Variants in UGGT2 observed in about 807,000 individuals in gnomAD.
UGGT2 encodes the protein UDP-glucose glycoprotein glucosyltransferase 2, also known as UDP-glucose:glycoprotein glucosyltransferase 2.
In UGGT2, 180 loss-of-function variants were observed where a neutral mutation model predicts 192.1. The observed-to-expected ratio is 0.94, with a 90% CI of 0.83 to 1.06. The LOEUF is 1.06. UGGT2 is among the 50% of genes least tolerant of loss of function. The pLI is 0.00. For synonymous variants in UGGT2, 580 were observed against 591.0 expected (o/e 0.98, Z 0.27); for missense variants, 1,849 against 1,795.7 (o/e 1.03, Z -0.54).
rs142293877 is a variant in UGGT2 at position 95,900,017 on chromosome 13, T to A, written c.2634+790A>T. Among the ~76,000 whole-genome samples, 81 of 152,296 alleles carry A rather than the reference T, an allele frequency of 5.3e-4. 1 individual carries two copies. Among genetic ancestry groups the A allele is most frequent in the African/African-American group, 1.8e-3 (74 of 41,578 alleles). On this transcript the variant is annotated intron_variant, in intron 22 of 38. Coordinates refer to ENST00000376747, the MANE Select transcript of UGGT2 (RefSeq NM_020121.4). ...CGTGAAAAACACTGCATTTGTTGAT[T>A]TCTTAATAAACCTAAGCACCAGATT...
chr13:95,817,545 C>A (rs1022598503), intron 38 of UGGT2, among the ~76,000 whole-genome samples: 8 of 152,044 alleles, frequency 5.3e-5, no homozygotes, highest in Non-Finnish European at 8.8e-5. Context: ...ATTGCCACTG[C>A]ATTCCAGCTT....
Position 95,867,361 on chromosome 13 carries a change from T to C in UGGT2, c.3536A>G (p.Lys1179Arg), listed in dbSNP as rs1398608137. ...EDIIVVLNSF[K>R]SKILKVKVKK... ...TACTTTTACTTTGAGTATCTTGCTT[T>C]TGAAGCTGTTTAATACAACAATGAT... is the stretch of plus-strand genomic sequence containing the variant. The change falls in exon 30 of 39, where the codon AAA becomes AGA. Residue 1179 changes from lysine to arginine, a missense_variant. By Grantham distance (26) the Lys-to-Arg change is conservative. Coordinates refer to ENST00000376747, the MANE Select transcript of UGGT2 (RefSeq NM_020121.4). 1 of 1,608,584 alleles carries C rather than the reference T, an allele frequency of 6.2e-7. No homozygotes were observed. Among genetic ancestry groups the C allele is most frequent in the Admixed American group, 1.7e-5 (1 of 59,074 alleles).
At chr13:95,919,379 G>A (rs769114597) in intron 20 of UGGT2, among the ~76,000 whole-genome samples, 5 of 152,018 alleles carry the variant, frequency 3.3e-5, no homozygotes, top group African/African-American at 4.8e-5. Context: ...GTAATCAGGC[G>A]CAAGAAAGAA....
chr13:95,886,889 A>G (rs1472350160), intron 26 of UGGT2, among the ~76,000 whole-genome samples: 44 of 151,922 alleles, frequency 2.9e-4, no homozygotes, highest in Admixed American at 2.9e-3. Context: ...CAAAAATACA[A>G]AACAAAACAA....
Position 95,905,649 on chromosome 13 carries a change from G to T in UGGT2, c.2296-2589C>A, listed in dbSNP as rs956149918. Among the ~76,000 whole-genome samples, 101 of 152,148 alleles carry T rather than the reference G, an allele frequency of 6.6e-4. 2 individuals carry two copies. In the East Asian group the frequency reaches 0.019, roughly 29 times the overall value. ...TCTGAGGGTTCTGTTCTGTTCCATT[G>T]ATCTATATCTCTGTTTTGGTACCAG... On this transcript the variant is annotated intron_variant, in intron 20 of 38. Transcript: ENST00000376747.
At chr13:95,890,569 CAGAG>C (rs2047771734) in intron 25 of UGGT2, among the ~76,000 whole-genome samples, 1 of 152,148 alleles carries the variant, frequency 6.6e-6, no homozygotes, top group Non-Finnish European at 1.5e-5. Flanking sequence ...GCCCTATCTC[CAGAG>C]AGAGTCACAT....
intron 1 of UGGT2, among the ~76,000 whole-genome samples, chr13:96,041,319 G>C (rs2053158137): frequency 1.3e-5 from 2 of 152,264 alleles, no homozygotes; most frequent in South Asian, 4.1e-4. Context: ...TACAAGGGTA[G>C]AGGAAGCAGC....
chr13:95,976,999 G>A (rs1333063162), intron 10 of UGGT2, among the ~76,000 whole-genome samples: 3 of 152,134 alleles, frequency 2.0e-5, no homozygotes, highest in African/African-American at 7.2e-5. Context: ...CTAGCCATAT[G>A]CAGAAAACAG....
At chr13:95,842,280 A>G (rs552494409) in intron 36 of UGGT2, among the ~76,000 whole-genome samples, 3 of 152,284 alleles carry the variant, frequency 2.0e-5, no homozygotes, top group Admixed American at 2.0e-4. Flanking sequence ...TTTTATATAA[A>G]TAGGATTATA....
intron 11 of UGGT2, among the ~76,000 whole-genome samples, chr13:95,970,574 AT>A (rs1204295248): frequency 1.1e-4 from 17 of 152,280 alleles, no homozygotes; most frequent in Admixed American, 5.9e-4. Flanking sequence ...GAGAAAAAAA[AT>A]ATTAGGTCAC....
At chr13:96,006,701 G>A (rs2139042451) in intron 5 of UGGT2, among the ~76,000 whole-genome samples, 1 of 146,294 alleles carries the variant, frequency 6.8e-6, no homozygotes, top group South Asian at 2.2e-4. Flanking sequence ...TTGAATTTAA[G>A]AAGAAAATGT....
intron 38 of UGGT2, among the ~76,000 whole-genome samples, chr13:95,815,044 C>T (rs1474761972): frequency 2.0e-5 from 3 of 151,980 alleles, no homozygotes; most frequent in African/African-American, 7.3e-5. Flanking sequence ...ATTAAAACTC[C>T]CAGTAAACTA....
chr13:95,997,381 C>T (rs556527471), intron 6 of UGGT2, among the ~76,000 whole-genome samples: 58 of 152,176 alleles, frequency 3.8e-4, no homozygotes, highest in Non-Finnish European at 7.9e-4. Context: ...GGTGTGGTGG[C>T]TCACGCCTGT....
intron 17 of UGGT2, among the ~76,000 whole-genome samples, chr13:95,934,718 A>G (rs1050833762): frequency 1.3e-5 from 2 of 152,146 alleles, no homozygotes; most frequent in African/African-American, 4.8e-5. Flanking sequence ...TGTGTTGCCC[A>G]GGCTGGTCTC....
intron 38 of UGGT2, among the ~76,000 whole-genome samples, chr13:95,826,134 T>C (rs1012072033): frequency 6.6e-6 from 1 of 152,158 alleles, no homozygotes; most frequent in Non-Finnish European, 1.5e-5. Context: ...CACCTCTATT[T>C]CTGTTGAATA....
At chr13:96,025,724 C>A (rs1475241599) in intron 2 of UGGT2, among the ~76,000 whole-genome samples, 1 of 152,096 alleles carries the variant, frequency 6.6e-6, no homozygotes, top group Non-Finnish European at 1.5e-5. Flanking sequence ...AGCCCCTTCA[C>A]AGCTCTTGAC....
At chr13:95,872,618 T>C (rs1213899109) in intron 29 of UGGT2, among the ~76,000 whole-genome samples, 1 of 152,200 alleles carries the variant, frequency 6.6e-6, no homozygotes, top group Non-Finnish European at 1.5e-5. Context: ...TAGAATTAAA[T>C]TATGACTAAG....
In UGGT2 at chr13:96,053,187, C is replaced by T; in HGVS notation, c.126G>A (p.Lys42=). ...CCAGCAGCAGCGGGGTCTCGGGCCA[C>T]TTCGCGGCCAAGTGGGCAGTCACCG... ...SKSVTAHLAA[K]WPETPLLLEA... The change falls in exon 1 of 39, where the codon AAG becomes AAA. Residue 42 remains lysine (K), a synonymous_variant. Transcript: ENST00000376747. 1.3e-6 allele frequency: 2 copies of T among 1,522,898 alleles called. No individual in the cohort carries two copies. The highest frequency in any genetic ancestry group is 2.6e-5 in the East Asian group (1 of 39,138). The allele number at this position is 1,522,898 out of a possible 1,614,324, so 94.3% of individuals were successfully genotyped here.
At chr13:95,838,566 A>G (rs1887541600) in intron 36 of UGGT2, among the ~76,000 whole-genome samples, 1 of 152,214 alleles carries the variant, frequency 6.6e-6, no homozygotes, top group South Asian at 2.1e-4. Flanking sequence ...ACAGTAATCA[A>G]AACAGTGTGG....
Sources: allele counts gnomAD v4.1 joint callset (sites outside exome capture counted in the v4.1 genomes callset), GRCh38; gene constraint gnomAD v4.1.1; transcripts MANE v1.5; gene names NCBI Gene and HGNC (gene_info 2026-07-23, HGNC 2026-07-21).